IGDCC3: variants seen among roughly 807,000 people sequenced by gnomAD.
The protein encoded by IGDCC3 is immunoglobulin superfamily DCC subclass member 3, also known as putative neuronal cell adhesion molecule.
In IGDCC3, 47 loss-of-function variants were observed where a neutral mutation model predicts 72.0. The observed-to-expected ratio is 0.65, with a 90% CI of 0.52 to 0.83. The LOEUF (loss-of-function observed/expected upper bound fraction) is 0.83. Among genes scored for constraint, IGDCC3 ranks in the 40% least tolerant of loss-of-function variants. The probability of loss-of-function intolerance (pLI) is 0.00; values close to 1 mark genes in which losing one functional copy is unlikely to be tolerated. For synonymous variants in IGDCC3, 477 were observed against 472.8 expected (o/e 1.01, Z -0.11); for missense variants, 1,038 against 1,091.3 (o/e 0.95, Z 0.69).
At chr15:65,355,678 C>CCCCCCCAAAA in intron 2 of IGDCC3, 3 of 299,224 alleles carry the variant, frequency 1.0e-5, no homozygotes, top group South Asian at 2.4e-5. Flanking sequence ...GCCCCTCCCG[C>CCCCCCCAAAA]ATAGCAATAG....
intron 1 of IGDCC3, among the ~76,000 whole-genome samples, chr15:65,375,934 G>A (rs1187656428): frequency 2.0e-5 from 3 of 152,144 alleles, no homozygotes; most frequent in Non-Finnish European, 4.4e-5. Flanking sequence ...AGACTCAAAG[G>A]CACTATGAAA....
Position 65,370,121 on chromosome 15 carries a change from G to A in IGDCC3, c.409+4976C>T, listed in dbSNP as rs376442966. The stretch of plus-strand genomic sequence containing the variant: ...CCCACTGCCTCTTTCTAGGAGTCTG[G>A]AGTCACCAGGGACCTTTCCGGGAAT... On this transcript the variant is annotated intron_variant, in intron 2 of 13. Coordinates refer to ENST00000327987, the MANE Select transcript of IGDCC3 (RefSeq NM_004884.4). Among the ~76,000 whole-genome samples, 3 of 152,022 alleles carry A rather than the reference G, an allele frequency of 2.0e-5. No homozygotes were observed. In the East Asian group the frequency reaches 5.8e-4, roughly 29 times the overall value.
intron 2 of IGDCC3, among the ~76,000 whole-genome samples, chr15:65,357,252 G>T (rs1012333040): frequency 6.6e-6 from 1 of 152,076 alleles, no homozygotes; most frequent in Non-Finnish European, 1.5e-5. Flanking sequence ...CCACCTAAAG[G>T]AAGAATGATA....
rs1040453628 is a variant in IGDCC3, at chr15:65,355,445, G to C, written c.410-19489C>G. ...GTGATGGGGAGCGACAACAGCCACCGGAGCCCCGGTCCAAGCGGCCCCAGG... is the reference window on the plus strand; with the variant it reads ...GTGATGGGGAGCGACAACAGCCACCCGAGCCCCGGTCCAAGCGGCCCCAGG... On this transcript the variant is annotated intron_variant, in intron 2 of 13. Coordinates refer to ENST00000327987, the MANE Select transcript of IGDCC3 (RefSeq NM_004884.4). Among the ~76,000 whole-genome samples the C allele has an allele frequency of 3.3e-5, 5 of 151,872 alleles. No homozygotes were observed. In the East Asian group the frequency reaches 9.7e-4, roughly 29 times the overall value.
chr15:65,333,517 T>C (rs928551822), intron 5 of IGDCC3, 102 bp from the exon 6 acceptor site: 1 of 1,140,138 alleles, frequency 8.8e-7, no homozygotes, highest in Admixed American at 2.8e-5. Flanking sequence ...TCCTGTCTTC[T>C]AGGGAGCCCC....
chr15:65,347,499 G>A lies in IGDCC3; in HGVS notation c.410-11543C>T, dbSNP rs114601687. ...ATCTGTCAGTGGCCTGTGAACCAGA[G>A]AAACTCCATCTTAAACACGAGTTGG... On this transcript the variant is annotated intron_variant, in intron 2 of 13. Transcript: ENST00000327987. Among the ~76,000 whole-genome samples the A allele has an allele frequency of 6.3e-3, 965 of 152,364 alleles. 6 individuals carry two copies. The highest frequency in any genetic ancestry group is 0.022 in the African/African-American group (918 of 41,586).
intron 2 of IGDCC3, among the ~76,000 whole-genome samples, chr15:65,372,460 T>C (rs575819846): frequency 2.6e-5 from 4 of 152,324 alleles, no homozygotes; most frequent in African/African-American, 9.6e-5. Context: ...GCCCGCGGTG[T>C]AGCCACCTTG....
chr15:65,355,656 T>TCACCC lies in IGDCC3; in HGVS notation c.409+19440_409+19441insGGGTG. 3.3e-5 allele frequency: 7 copies of TCACCC among 211,730 alleles called. 3 individuals are homozygous for TCACCC. Among genetic ancestry groups the TCACCC allele is most frequent in the Admixed American group, 1.3e-4 (2 of 15,882 alleles). The allele number at this position is 211,730 out of a possible 1,614,324, so 13.1% of individuals were successfully genotyped here. On this transcript the variant is annotated intron_variant, in intron 2 of 13. Transcript: ENST00000327987. ...CGGCTAATCCCCGCCGACGCGGGCG[T>TCACCC]CCCGCCCCCCCGCCCCTCCCGCATA...
At chr15:65,356,801 T>C (rs889338057) in intron 2 of IGDCC3, among the ~76,000 whole-genome samples, 1 of 150,196 alleles carries the variant, frequency 6.7e-6, no homozygotes, top group African/African-American at 2.5e-5. Context: ...AGGTGCAGGA[T>C]AGATACTCTT....
chr15:65,370,514 AAATAT>A (rs1435320821), intron 2 of IGDCC3, among the ~76,000 whole-genome samples: 12 of 53,994 alleles, frequency 2.2e-4, no homozygotes, highest in African/African-American at 6.5e-4. Context: ...CTCAAAAAAA[AAATAT>A]ATATATATAT....
In IGDCC3 at chr15:65,376,712, C is replaced by T. The variant is rs186118969; in HGVS notation, c.103+974G>A. ...CATCCTCCCCATGTCGTGAGTTCAC[C>T]CGTCTTAGCCCCGAATCCAACCCTG... On this transcript the variant is annotated intron_variant, in intron 1 of 13. Coordinates refer to ENST00000327987, the MANE Select transcript of IGDCC3 (RefSeq NM_004884.4). 1.7e-3 allele frequency among the ~76,000 whole-genome samples: 258 copies of T among 152,188 alleles called. 1 individual carries two copies. The highest frequency in any genetic ancestry group is 1.7e-3 in the Non-Finnish European group (118 of 68,010).
chr15:65,335,327 T>TA lies in IGDCC3; in HGVS notation c.648dup (p.Ile217TyrfsTer29). The stretch of plus-strand genomic sequence containing the variant: ...AGCCTGGCCCCGTGGCTGATCCGGA[T>TA]ACTGGCGATGTTTGAGGCCACACAG... On this transcript the variant is annotated frameshift_variant, in exon 4 of 14. Coordinates refer to ENST00000327987, the MANE Select transcript of IGDCC3 (RefSeq NM_004884.4). LOFTEE classifies it high-confidence loss of function. The TA allele has an allele frequency of 6.2e-7, 1 of 1,613,676 alleles. No individual in the cohort carries two copies. The highest frequency in any genetic ancestry group is 8.5e-7 in the Non-Finnish European group (1 of 1,179,796).
rs765406748 is a variant in IGDCC3, at chr15:65,328,953, G to A, written c.2401C>T (p.Pro801Ser). 1.9e-6 allele frequency: 3 copies of A among 1,581,274 alleles called. No individual in the cohort carries two copies. The African/African-American group carries it at 4.1e-5, about 22-fold the overall frequency. Reference protein sequence around the residue: ...GLLSEGQASRPAAARVTQPAH... With the variant: ...GLLSEGQASRSAAARVTQPAH... The stretch of plus-strand genomic sequence containing the variant: ...GGCTGGGTAACCCGGGCCGCTGCAG[G>A]CCTGGAAGCCTGGCCTTCACTGAGG... Residue 801 changes from proline (P) to serine (S), a missense_variant, in exon 14 of 14, where the codon CCT becomes TCT. Pro to Ser is a moderately conservative substitution (Grantham distance 74). Transcript: ENST00000327987.
Position 65,329,968 on chromosome 15 carries a change from A to G in IGDCC3, c.1859-104T>C, listed in dbSNP as rs987561010. 1.7e-6 allele frequency: 2 copies of G among 1,205,646 alleles called. No homozygotes were observed. Among genetic ancestry groups the G allele is most frequent in the Admixed American group, 1.9e-5 (1 of 51,906 alleles). 74.7% of individuals were successfully genotyped at this position (1,205,646 alleles called of 1,614,324 possible). On this transcript the variant is annotated intron_variant, in intron 11 of 13. Transcript: ENST00000327987. The surrounding 1 kb of genome is among the most constrained non-coding windows in gnomAD (Gnocchi z 4.1). ...CTTCCTTCAGCTGCTCCCACTCCCA[A>G]GTGGGAGTGGGAACATCCTTTGACT...
In IGDCC3 at chr15:65,331,405, C is replaced by G; in HGVS notation, c.1396+7G>C. 1 of 1,595,730 alleles carries G rather than the reference C, an allele frequency of 6.3e-7. No individual in the cohort carries two copies. The highest frequency in any genetic ancestry group is 8.6e-7 in the Non-Finnish European group (1 of 1,168,798). On this transcript the variant is annotated splice_region_variant and intron_variant, in intron 8 of 13. Transcript: ENST00000327987. ...GAGGAAGGGGCAACAGAGCTGGCCA[C>G]GCGCACCAGCAGCCTTCCTGATGTG... is the stretch of plus-strand genomic sequence containing the variant.
intron 6 of IGDCC3, 89 bp downstream of exon 6, chr15:65,333,168 G>A: frequency 7.7e-7 from 1 of 1,298,878 alleles, no homozygotes; most frequent in South Asian, 1.6e-5. Context: ...AGACTGGGGT[G>A]GGACAGGGCC....
chr15:65,346,492 T>C (rs1375653478), intron 2 of IGDCC3, among the ~76,000 whole-genome samples: 1 of 151,584 alleles, frequency 6.6e-6, no homozygotes, highest in Non-Finnish European at 1.5e-5. Flanking sequence ...AGTCTCGCTC[T>C]GTCGCTCAGG....
intron 1 of IGDCC3, among the ~76,000 whole-genome samples, chr15:65,375,711 G>A (rs2091354982): frequency 6.6e-6 from 1 of 152,196 alleles, no homozygotes; most frequent in African/African-American, 2.4e-5. Context: ...CTCACAGTCA[G>A]TAGTTGCAAA....
rs980986506 is a variant in IGDCC3 at position 65,347,923 on chromosome 15, C to T, written c.410-11967G>A. 1.1e-4 allele frequency among the ~76,000 whole-genome samples: 16 copies of T among 150,680 alleles called. No homozygotes were observed. The Admixed American group carries it at 1.1e-3, about 10-fold the overall frequency. On this transcript the variant is annotated intron_variant, in intron 2 of 13. Transcript: ENST00000327987. The stretch of plus-strand genomic sequence containing the variant: ...TGCACTCCAGCCTGGGCAACAAGAG[C>T]GAAATTTCATCTCAAACAACAACAA...
Sources: gnomAD v4.1 joint callset for allele counts (sites outside exome capture counted in the v4.1 genomes callset) on GRCh38, gnomAD v4.1.1 for gene constraint, Gnocchi (gnomAD v3.1) non-coding constraint, MANE v1.5 for transcripts, NCBI Gene and HGNC (gene_info 2026-07-23, HGNC 2026-07-21) for gene names.